Variants in KHDRBS1 observed in about 807,000 individuals in gnomAD.
KHDRBS1 encodes KH domain-containing, RNA-binding, signal transduction-associated protein 1.
In KHDRBS1, 7 loss-of-function variants were observed where a neutral mutation model predicts 48.4. The ratio of observed to expected loss-of-function variants is 0.14; its 90% CI spans 0.08 to 0.27. The LOEUF (loss-of-function observed/expected upper bound fraction) is 0.27, where lower values mean the gene tolerates loss of function less well. KHDRBS1 is among the 10% of genes least tolerant of loss of function. The pLI is 1.00. For missense variants in KHDRBS1, 458 were observed against 601.2 expected, an observed-to-expected ratio of 0.76 and a Z score of 2.49; for synonymous variants, 241 against 235.8, an observed-to-expected ratio of 1.02 and a Z score of -0.20.
At chr1:32,057,235 C>T (rs1639489055) in intron 10 of KHDRBS1, among the ~76,000 whole-genome samples, 1 of 152,128 alleles carries the variant, frequency 6.6e-6, no homozygotes, top group Non-Finnish European at 1.5e-5. Context: ...AGCTGGAGCA[C>T]TTATCAATAT....
At chr1:32,031,397 C>T in intron 2 of KHDRBS1, 127 bp from the exon 3 acceptor site, 1 of 634,218 alleles carries the variant, frequency 1.6e-6, no homozygotes, top group East Asian at 2.8e-5. Context: ...GCTTCAGTGT[C>T]CTTCAGTAAA....
At chr1:32,037,164 A>T in intron 5 of KHDRBS1, 121 bp downstream of exon 5, 2 of 1,071,168 alleles carry the variant, frequency 1.9e-6, no homozygotes, top group Non-Finnish European at 2.7e-6. Flanking sequence ...TGCATAAAGA[A>T]CAGAATTCTA....
chr1:32,032,918 G>A (rs1029643465), intron 3 of KHDRBS1, among the ~76,000 whole-genome samples: 1 of 152,174 alleles, frequency 6.6e-6, no homozygotes, highest in African/African-American at 2.4e-5. Context: ...TCGAACTCCT[G>A]ACCTTGTGAT....
At chr1:32,019,223 C>T (rs1238297524) in intron 1 of KHDRBS1, among the ~76,000 whole-genome samples, 2 of 152,196 alleles carry the variant, frequency 1.3e-5, no homozygotes, top group Admixed American at 6.5e-5. Context: ...CAACTTGTTT[C>T]ACCATTCATT....
At chr1:32,036,384 T>G (rs568804559) in intron 4 of KHDRBS1, among the ~76,000 whole-genome samples, 205 of 152,124 alleles carry the variant, frequency 1.3e-3, no homozygotes, top group African/African-American at 4.7e-3. Context: ...TTAGCCAGGG[T>G]GGTCTCGATC....
intron 1 of KHDRBS1, among the ~76,000 whole-genome samples, chr1:32,023,325 C>T (rs190959002): frequency 1.8e-4 from 27 of 152,156 alleles, no homozygotes; most frequent in Non-Finnish European, 1.5e-5. Context: ...TAAGTATCTG[C>T]TATGTCACTA....
chr1:32,028,135 A>G (rs1639010936), intron 1 of KHDRBS1, among the ~76,000 whole-genome samples: 1 of 152,158 alleles, frequency 6.6e-6, no homozygotes, highest in Non-Finnish European at 1.5e-5. Flanking sequence ...ATAATTAATA[A>G]ATAAAAACTG....
At chr1:32,025,600 C>T (rs1328376766) in intron 1 of KHDRBS1, among the ~76,000 whole-genome samples, 1 of 149,868 alleles carries the variant, frequency 6.7e-6, no homozygotes, top group Non-Finnish European at 1.5e-5. Context: ...AGCGCCTGGC[C>T]CCCTCCACCC....
chr1:32,021,422 A>G (rs1016133704), intron 1 of KHDRBS1, among the ~76,000 whole-genome samples: 3 of 152,174 alleles, frequency 2.0e-5, no homozygotes, highest in Non-Finnish European at 4.4e-5. Flanking sequence ...TAAAGAACCT[A>G]TTGGCTTTGT....
At chr1:32,021,691 A>G (rs1638861775) in intron 1 of KHDRBS1, among the ~76,000 whole-genome samples, 1 of 152,036 alleles carries the variant, frequency 6.6e-6, no homozygotes, top group Non-Finnish European at 1.5e-5. Flanking sequence ...ATCTTGGCTC[A>G]CTGCAACCTC....
chr1:32,014,762 A>C (rs1315730987), intron 1 of KHDRBS1, among the ~76,000 whole-genome samples: 1 of 151,992 alleles, frequency 6.6e-6, no homozygotes, highest in Non-Finnish European at 1.5e-5. Flanking sequence ...GCGGGTGGCG[A>C]TGAGCGCCTC....
At chr1:32,050,486 T>C (rs949302703) in intron 10 of KHDRBS1, among the ~76,000 whole-genome samples, 2 of 152,090 alleles carry the variant, frequency 1.3e-5, no homozygotes, top group South Asian at 2.1e-4. Context: ...CTCAGTTTTT[T>C]AGTTTTAGTT....
intron 1 of KHDRBS1, among the ~76,000 whole-genome samples, chr1:32,023,621 G>C (rs1638903756): frequency 6.6e-6 from 1 of 152,122 alleles, no homozygotes; most frequent in African/African-American, 2.4e-5. Context: ...GTTCCAAAAG[G>C]GTTGTCTAGA....
chr1:32,028,448 A>G (rs915983688), intron 1 of KHDRBS1, among the ~76,000 whole-genome samples: 1 of 149,640 alleles, frequency 6.7e-6, no homozygotes, highest in African/African-American at 2.5e-5. Context: ...AGAATGTTCC[A>G]CTGATTTTAG....
chr1:32,039,129 T>A (rs1639237540), intron 7 of KHDRBS1, among the ~76,000 whole-genome samples: 1 of 152,232 alleles, frequency 6.6e-6, no homozygotes, highest in Admixed American at 6.5e-5. Flanking sequence ...ACCATTTCCT[T>A]GTGTGTCCAT....
At chr1:32,024,701 A>G (rs1158349505) in intron 1 of KHDRBS1, among the ~76,000 whole-genome samples, 3 of 151,888 alleles carry the variant, frequency 2.0e-5, no homozygotes, top group Non-Finnish European at 4.4e-5. Context: ...AACCTCTTTG[A>G]GTTTTTGTTG....
At position 32,038,592 on chromosome 1, in the gene KHDRBS1, A is replaced by C; in HGVS notation, c.1148A>C (p.Tyr383Ser). 6.2e-7 allele frequency: 1 copy of C among 1,614,056 alleles called. No individual in the cohort carries two copies. The highest frequency in any genetic ancestry group is 8.5e-7 in the Non-Finnish European group (1 of 1,179,956). Reference protein sequence around the residue: ...DTYAEQSYEGYEGYYSQSQGD... With the variant: ...DTYAEQSYEGSEGYYSQSQGD... ...TACGCAGAACAAAGTTACGAAGGCT[A>C]CGAAGGCTATTACAGCCAGAGTCAA... Residue 383 changes from tyrosine to serine, a missense_variant, in exon 7 of 9, where the codon TAC becomes TCC. This residue lies in a region of KHDRBS1 where 171 missense variants were observed against 228.7 expected (regional missense o/e 0.75). Transcript: ENST00000327300.
downstream of KHDRBS1, among the ~76,000 whole-genome samples, chr1:32,046,518 A>G (rs1335301349): frequency 6.6e-6 from 1 of 152,168 alleles, no homozygotes; most frequent in Non-Finnish European, 1.5e-5. Flanking sequence ...CCCGGCTGGG[A>G]AAGGATATTT....
intron 10 of KHDRBS1, among the ~76,000 whole-genome samples, chr1:32,055,300 T>A (rs1053571534): frequency 2.6e-5 from 4 of 151,922 alleles, no homozygotes; most frequent in African/African-American, 9.7e-5. Flanking sequence ...ATACAAAAAT[T>A]AGCCGGACGT....
Sources: gnomAD v4.1 joint callset for allele counts (sites outside exome capture counted in the v4.1 genomes callset) on GRCh38, gnomAD v4.1.1 for gene constraint, gnomAD v4.1.1 regional missense constraint, MANE v1.5 for transcripts, NCBI Gene and HGNC (gene_info 2026-07-23, HGNC 2026-07-21) for gene names.